Variants in CDH13 observed in about 807,000 individuals in gnomAD.
CDH13 encodes cadherin 13.
CDH13 carries 24 observed loss-of-function variants against 63.8 expected under a neutral mutation model. The observed-to-expected ratio is 0.38, with a 90% CI of 0.27 to 0.53. CDH13 has a LOEUF of 0.53. Among genes scored for constraint, CDH13 ranks in the 20% least tolerant of loss-of-function variants. The probability of loss-of-function intolerance (pLI) is 0.85; values close to 1 mark genes in which losing one functional copy is unlikely to be tolerated. For synonymous variants in CDH13, 503 were observed against 355.3 expected (o/e 1.42, Z -4.67); for missense variants, 1,049 against 903.1 (o/e 1.16, Z -2.07).
chr16:82,765,971 C>T (rs8060659), intron 1 of CDH13, among the ~76,000 whole-genome samples: 1,777 of 152,290 alleles, frequency 0.012, 33 homozygotes, highest in African/African-American at 0.041. Context: ...TCAGAATGCA[C>T]GTCTATGCTA....
At chr16:83,164,365 A>G (rs1274590309) in intron 4 of CDH13, among the ~76,000 whole-genome samples, 1 of 152,022 alleles carries the variant, frequency 6.6e-6, no homozygotes, top group East Asian at 1.9e-4. Context: ...CACACCACAC[A>G]TGGTGGAGTT....
At chr16:83,273,557 C>G (rs1295787808) in intron 5 of CDH13, among the ~76,000 whole-genome samples, 1 of 152,116 alleles carries the variant, frequency 6.6e-6, no homozygotes, top group African/African-American at 2.4e-5. Flanking sequence ...AGAACGAGAT[C>G]ATGTCCTTCA....
At chr16:82,943,983 C>T (rs183409654) in intron 2 of CDH13, among the ~76,000 whole-genome samples, 1 of 152,328 alleles carries the variant, frequency 6.6e-6, no homozygotes, top group East Asian at 1.9e-4. Context: ...TCAGGTCTGG[C>T]TTCCACTGCA....
chr16:82,896,170 T>C (rs1453694492), intron 2 of CDH13, among the ~76,000 whole-genome samples: 1 of 151,940 alleles, frequency 6.6e-6, no homozygotes, highest in Non-Finnish European at 1.5e-5. Context: ...TGGTGAGCAA[T>C]AGCCTTATTT....
chr16:83,786,860 T>C (rs1163662438), intron 13 of CDH13, among the ~76,000 whole-genome samples: 1 of 152,170 alleles, frequency 6.6e-6, no homozygotes, highest in East Asian at 1.9e-4. Context: ...AGTGCTAGGA[T>C]TACAGGTGTG....
At chr16:82,719,875 C>T (rs1372941192) in intron 1 of CDH13, among the ~76,000 whole-genome samples, 1 of 143,052 alleles carries the variant, frequency 7.0e-6, no homozygotes, top group Non-Finnish European at 1.5e-5. Context: ...AAAGGTCTTA[C>T]TGTACCATAT....
At chr16:83,787,072 C>T (rs1032501171) in intron 13 of CDH13, among the ~76,000 whole-genome samples, 2 of 152,236 alleles carry the variant, frequency 1.3e-5, no homozygotes, top group African/African-American at 4.8e-5. Flanking sequence ...CATACACTCA[C>T]TCACACACAT....
chr16:83,036,764 T>C (rs1244264022), intron 3 of CDH13, among the ~76,000 whole-genome samples: 1 of 152,156 alleles, frequency 6.6e-6, no homozygotes, highest in Non-Finnish European at 1.5e-5. Flanking sequence ...TCGTGCAGCC[T>C]AGATGCAATT....
At chr16:83,165,310 G>GAA (rs1222591367) in intron 4 of CDH13, among the ~76,000 whole-genome samples, 2 of 152,084 alleles carry the variant, frequency 1.3e-5, no homozygotes, top group Non-Finnish European at 2.9e-5. Flanking sequence ...ACCCCTGCCT[G>GAA]TCTTGAAGAT....
chr16:83,469,577 G>T (rs770035819), intron 6 of CDH13, among the ~76,000 whole-genome samples: 2 of 152,106 alleles, frequency 1.3e-5, no homozygotes, highest in Non-Finnish European at 2.9e-5. Flanking sequence ...CCTTGATCAT[G>T]GGTTTTTGTC....
chr16:83,652,896 G>A (rs1480121388), intron 8 of CDH13, among the ~76,000 whole-genome samples: 2 of 152,148 alleles, frequency 1.3e-5, no homozygotes, highest in African/African-American at 4.8e-5. Flanking sequence ...AGTGGAAACA[G>A]TTCCAGGTCC....
rs1598096687 is a variant in CDH13, at chr16:83,471,437, G to T, written c.782-15040G>T. Among the ~76,000 whole-genome samples, 5 of 152,154 alleles carry T rather than the reference G, an allele frequency of 3.3e-5. 1 individual carries two copies. Among genetic ancestry groups the T allele is most frequent in the Admixed American group, 3.3e-4 (5 of 15,270 alleles). On this transcript the variant is annotated intron_variant, in intron 6 of 13. Transcript: ENST00000567109. ...CTACAGGTGGCTGCCACAGCGCCCGGCTAATTTTTTGTATTTTTAGTACAG... is the reference window on the plus strand; with the variant it reads ...CTACAGGTGGCTGCCACAGCGCCCGTCTAATTTTTTGTATTTTTAGTACAG...
chr16:83,732,403 G>A (rs191367213), intron 10 of CDH13, among the ~76,000 whole-genome samples: 1 of 152,260 alleles, frequency 6.6e-6, no homozygotes, highest in African/African-American at 2.4e-5. Context: ...CTTTGGACTG[G>A]GGAACAGGGT....
chr16:83,525,720 G>A (rs550815872), intron 7 of CDH13, among the ~76,000 whole-genome samples: 33 of 152,270 alleles, frequency 2.2e-4, no homozygotes, highest in Admixed American at 7.8e-4. Flanking sequence ...TCCTTGAGTC[G>A]GGGAGATGAT....
intron 5 of CDH13, among the ~76,000 whole-genome samples, chr16:83,229,282 C>A (rs1420536982): frequency 3.3e-5 from 5 of 152,186 alleles, no homozygotes; most frequent in African/African-American, 1.2e-4. Context: ...CTACCAGGCA[C>A]TGGGGAAAAG....
intron 1 of CDH13, among the ~76,000 whole-genome samples, chr16:82,684,339 G>C (rs1319604878): frequency 6.6e-6 from 1 of 152,180 alleles, no homozygotes; most frequent in Non-Finnish European, 1.5e-5. Flanking sequence ...TGGGTCATCA[G>C]TCCCTTAGAT....
At chr16:82,631,961 C>G (rs925328639) in intron 1 of CDH13, among the ~76,000 whole-genome samples, 5 of 152,268 alleles carry the variant, frequency 3.3e-5, no homozygotes, top group Admixed American at 1.3e-4. Flanking sequence ...TGCCAAGTAG[C>G]AGCCACAGGC....
At chr16:82,959,029 G>T (rs1388328388) in intron 2 of CDH13, among the ~76,000 whole-genome samples, 1 of 152,218 alleles carries the variant, frequency 6.6e-6, no homozygotes, top group East Asian at 1.9e-4. Flanking sequence ...ACAGTATTTT[G>T]GCGAGGAGCA....
chr16:83,670,934 A>C lies in CDH13; in HGVS notation c.1246A>C (p.Asn416His), dbSNP rs1914444662. 5 of 1,607,104 alleles carry C rather than the reference A, an allele frequency of 3.1e-6. No individual in the cohort carries two copies. The South Asian group carries it at 5.5e-5, about 18-fold the overall frequency. The stretch of plus-strand genomic sequence containing the variant: ...CGGGCAGAGCTTTGAAATCCACACC[A>C]ACCCTCAAACCAACGAAGGGATGCT... The part of the protein sequence containing the change: ...NPGQSFEIHT[N>H]PQTNEGMLSV... The change falls in exon 9 of 14, where the codon AAC becomes CAC. Residue 416 changes from asparagine to histidine, a missense_variant. Coordinates refer to ENST00000567109, the MANE Select transcript of CDH13 (RefSeq NM_001257.5).
Sources: gnomAD v4.1 joint callset for allele counts (sites outside exome capture counted in the v4.1 genomes callset) on GRCh38, gnomAD v4.1.1 for gene constraint, MANE v1.5 for transcripts, NCBI Gene and HGNC (gene_info 2026-07-23, HGNC 2026-07-21) for gene names.